AEBP2: variants seen among roughly 807,000 people sequenced by gnomAD.
The protein encoded by AEBP2 is zinc finger protein AEBP2.
AEBP2 carries 10 observed loss-of-function variants against 50.8 expected under a neutral mutation model. The ratio of observed to expected loss-of-function variants is 0.20; its 90% CI spans 0.12 to 0.33. The LOEUF (loss-of-function observed/expected upper bound fraction) is 0.33. AEBP2 is among the 10% of genes least tolerant of loss of function. The probability of loss-of-function intolerance (pLI) is 1.00; values close to 1 mark genes in which losing one functional copy is unlikely to be tolerated. For missense variants in AEBP2, 570 were observed against 688.0 expected (o/e 0.83, Z 1.92); for synonymous variants, 296 against 261.3 (o/e 1.13, Z -1.28).
chr12:19,441,966 A>G (rs1265387259), intron 1 of AEBP2, among the ~76,000 whole-genome samples: 5 of 152,158 alleles, frequency 3.3e-5, no homozygotes, highest in Non-Finnish European at 4.4e-5. Flanking sequence ...CAAGATAGGT[A>G]TTATTTTGAC....
At chr12:19,453,403 C>G (rs1948201643) in intron 1 of AEBP2, among the ~76,000 whole-genome samples, 1 of 151,412 alleles carries the variant, frequency 6.6e-6, no homozygotes, top group Non-Finnish European at 1.5e-5. Flanking sequence ...TAGGCATGAA[C>G]CACTGTGCCT....
At chr12:19,406,123 G>A (rs956909174) in intron 1 of AEBP2, among the ~76,000 whole-genome samples, 4 of 152,034 alleles carry the variant, frequency 2.6e-5, no homozygotes, top group African/African-American at 4.8e-5. Flanking sequence ...CTGCCACCAC[G>A]CCTGGCTAAT....
At position 19,462,734 on chromosome 12, in the gene AEBP2, C is replaced by A. The variant is rs776859869; in HGVS notation, c.879+17C>A. On this transcript the variant is annotated intron_variant, in intron 2 of 7. Transcript: ENST00000266508. ...CGAGGAGGGGTTGGTTTTGTCATTT[C>A]TTTTTTTCGCTCCCTGTTTTCGTTA... is the stretch of plus-strand genomic sequence containing the variant. 2 of 1,563,484 alleles carry A rather than the reference C, an allele frequency of 1.3e-6. No homozygotes were observed. Among genetic ancestry groups the A allele is most frequent in the Non-Finnish European group, 1.7e-6 (2 of 1,147,342 alleles).
At chr12:19,442,988 C>G (rs957894428) in intron 1 of AEBP2, among the ~76,000 whole-genome samples, 2 of 152,162 alleles carry the variant, frequency 1.3e-5, no homozygotes, top group African/African-American at 4.8e-5. Flanking sequence ...ATTCCTATTA[C>G]AAAGATTCTA....
rs1468893453 is a variant in AEBP2, at chr12:19,520,770, T to A, written c.*2653T>A. The A allele has an allele frequency of 6.6e-6, 1 of 152,118 alleles. No homozygotes were observed. The highest frequency in any genetic ancestry group is 1.5e-5 in the Non-Finnish European group (1 of 68,024). The allele number at this position is 152,118 out of a possible 1,614,324, so 9.4% of individuals were successfully genotyped here. On this transcript the variant is annotated 3_prime_UTR_variant, in exon 8 of 8. Transcript: ENST00000266508. ...ACCTTAGGTCCTGCAAGCCCCCAAT[T>A]TTTACTACAGGTTGGCAATCCCTAA...
At chr12:19,437,631 C>A (rs761755634), upstream of AEBP2, among the ~76,000 whole-genome samples, 1 of 152,184 alleles carries the variant, frequency 6.6e-6, no homozygotes, top group African/African-American at 2.4e-5. Flanking sequence ...GTATAAGCCA[C>A]CCTGCCGGCC....
chr12:19,444,565 C>T (rs979731013), intron 1 of AEBP2, among the ~76,000 whole-genome samples: 1 of 152,258 alleles, frequency 6.6e-6, no homozygotes, highest in South Asian at 2.1e-4. Flanking sequence ...TGGCGCAAAT[C>T]TTAATATTAC....
chr12:19,436,499 G>A (rs1053926820), upstream of AEBP2, among the ~76,000 whole-genome samples: 1 of 151,942 alleles, frequency 6.6e-6, no homozygotes, highest in Non-Finnish European at 1.5e-5. Context: ...TCTTTCTTGT[G>A]TGAGGTCCAA....
chr12:19,435,656 C>T (rs922042193), upstream of AEBP2, among the ~76,000 whole-genome samples: 4 of 152,162 alleles, frequency 2.6e-5, no homozygotes, highest in East Asian at 1.9e-4. Flanking sequence ...GATGCTTTTC[C>T]GTATATTGCT....
At chr12:19,456,019 A>G (rs1180619174) in intron 1 of AEBP2, among the ~76,000 whole-genome samples, 2 of 151,772 alleles carry the variant, frequency 1.3e-5, no homozygotes, top group African/African-American at 2.4e-5. Flanking sequence ...AGTTGTTTCC[A>G]TTAAAAAGTA....
intron 2 of AEBP2, among the ~76,000 whole-genome samples, chr12:19,470,120 T>C (rs187506282): frequency 5.8e-4 from 88 of 152,240 alleles, no homozygotes; most frequent in African/African-American, 2.0e-3. Flanking sequence ...AAAGAAAATA[T>C]AGCCTCGAAC....
At chr12:19,436,545 C>T (rs1375424566), upstream of AEBP2, among the ~76,000 whole-genome samples, 1 of 151,154 alleles carries the variant, frequency 6.6e-6, no homozygotes, top group Non-Finnish European at 1.5e-5. Flanking sequence ...GGGCCCCTTT[C>T]TGGTAACACT....
chr12:19,465,951 C>G (rs1948466043), intron 2 of AEBP2, among the ~76,000 whole-genome samples: 1 of 151,512 alleles, frequency 6.6e-6, no homozygotes, highest in Non-Finnish European at 1.5e-5. Context: ...ACCACCACGC[C>G]CAGCCAATTT....
intron 1 of AEBP2, chr12:19,456,617 G>A (rs1428955001): frequency 3.3e-6 from 5 of 1,526,298 alleles, no homozygotes; most frequent in Admixed American, 3.3e-5. Context: ...GAGCAGTGAA[G>A]CCAGCCGCTT....
At chr12:19,512,696 T>C (rs1949252590) in intron 6 of AEBP2, among the ~76,000 whole-genome samples, 2 of 151,460 alleles carry the variant, frequency 1.3e-5, no homozygotes, top group Admixed American at 6.6e-5. Context: ...AGGCGGTGGC[T>C]CACACCTGTA....
intron 1 of AEBP2, among the ~76,000 whole-genome samples, chr12:19,408,032 C>T (rs1397127896): frequency 7.0e-6 from 1 of 142,072 alleles, no homozygotes; most frequent in Non-Finnish European, 1.5e-5. Context: ...GCCTGGGCAA[C>T]AAGAGTGAAA....
chr12:19,474,380 G>A (rs1464850770), intron 3 of AEBP2, among the ~76,000 whole-genome samples: 1 of 152,140 alleles, frequency 6.6e-6, no homozygotes, highest in Non-Finnish European at 1.5e-5. Flanking sequence ...GGTAATTCTT[G>A]TGGAGTTGCT....
chr12:19,502,933 G>A (rs1218676027), intron 5 of AEBP2, among the ~76,000 whole-genome samples: 2 of 152,160 alleles, frequency 1.3e-5, no homozygotes, highest in South Asian at 2.1e-4. Flanking sequence ...ATAGGCGCGA[G>A]CCACCACGCT....
intron 5 of AEBP2, among the ~76,000 whole-genome samples, chr12:19,503,918 A>G (rs1949118612): frequency 6.6e-6 from 1 of 151,676 alleles, no homozygotes; most frequent in African/African-American, 2.4e-5. Context: ...TGTAGCCTCA[A>G]TCTCCTGGGT....
Sources: allele counts gnomAD v4.1 joint callset (sites outside exome capture counted in the v4.1 genomes callset), GRCh38; gene constraint gnomAD v4.1.1; transcripts MANE v1.5; gene names NCBI Gene and HGNC (gene_info 2026-07-23, HGNC 2026-07-21).